FMN1: variants seen among roughly 807,000 people sequenced by gnomAD.
FMN1 encodes formin 1, also known as formin-1.
In FMN1, 110 loss-of-function variants were observed where a neutral mutation model predicts 132.4. That is an observed-to-expected ratio of 0.83 (90% CI 0.71 to 0.97). The LOEUF (loss-of-function observed/expected upper bound fraction) is 0.97, where lower values mean the gene tolerates loss of function less well. FMN1 is among the 50% of genes least tolerant of loss of function. The probability of loss-of-function intolerance (pLI) is 0.00; values close to 1 mark genes in which losing one functional copy is unlikely to be tolerated. For missense variants in FMN1, 1,792 were observed against 1,705.3 expected, an observed-to-expected ratio of 1.05 and a Z score of -0.90; for synonymous variants, 722 against 651.7, an observed-to-expected ratio of 1.11 and a Z score of -1.64.
Position 32,957,298 on chromosome 15 carries a change from C to CTTTTTTTT in FMN1, c.3138+6801_3138+6808dup, listed in dbSNP as rs869111673. Among the ~76,000 whole-genome samples, 498 of 84,192 alleles carry CTTTTTTTT rather than the reference C, an allele frequency of 5.9e-3. 61 individuals carry two copies. Among genetic ancestry groups the CTTTTTTTT allele is most frequent in the Non-Finnish European group, 9.1e-3 (411 of 44,924 alleles). 55.2% of individuals were successfully genotyped at this position (84,192 alleles called of 152,430 possible). A position where few individuals can be genotyped will look rare whatever the true frequency, so the allele number is the denominator to read the frequency against. ...AATTGGAAAGTTTATCAGAGCAGTT[C>CTTTTTTTT]TTTTTTTTTTTTTTTTTTTTTTTTT... On this transcript the variant is annotated intron_variant, in intron 9 of 20. Transcript: ENST00000616417.
At chr15:33,067,748 T>C (rs945637060) in intron 5 of FMN1, 5 of 1,613,892 alleles carry the variant, frequency 3.1e-6, no homozygotes, top group African/African-American at 1.3e-5. Flanking sequence ...ATTCACAGAT[T>C]CTAATTTACT....
chr15:33,172,059 T>G (rs1411810697), intron 3 of FMN1, among the ~76,000 whole-genome samples: 1 of 151,952 alleles, frequency 6.6e-6, no homozygotes, highest in Non-Finnish European at 1.5e-5. Context: ...AATACAAAAA[T>G]TAGCCGGGCG....
intron 16 of FMN1, among the ~76,000 whole-genome samples, chr15:32,886,300 T>G (rs1341780489): frequency 6.6e-6 from 1 of 152,182 alleles, no homozygotes; most frequent in East Asian, 1.9e-4. Context: ...TGGTACTTCA[T>G]GTGTTTTGGT....
At chr15:32,802,418 T>C (rs1325563789) in intron 18 of FMN1, among the ~76,000 whole-genome samples, 1 of 152,220 alleles carries the variant, frequency 6.6e-6, no homozygotes, top group Non-Finnish European at 1.5e-5. Flanking sequence ...GAGTAAATTG[T>C]TTCTCTTGAG....
At chr15:32,872,925 A>C (rs777567289) in intron 16 of FMN1, among the ~76,000 whole-genome samples, 2 of 147,166 alleles carry the variant, frequency 1.4e-5, no homozygotes, top group Non-Finnish European at 1.5e-5. Flanking sequence ...GAAAGGCATA[A>C]AGAGAAGAGA....
chr15:33,120,621 C>CTTGT (rs5811736), intron 4 of FMN1, among the ~76,000 whole-genome samples: 134,233 of 151,850 alleles, frequency 0.88, 59,419 homozygotes, highest in East Asian at 0.97. Flanking sequence ...TGTTCGGCAG[C>CTTGT]TTTTGTTGTC....
At chr15:32,983,040 C>T (rs74785972) in intron 7 of FMN1, among the ~76,000 whole-genome samples, 3,340 of 152,204 alleles carry the variant, frequency 0.022, 118 homozygotes, top group African/African-American at 0.073. Flanking sequence ...CACACATAGA[C>T]GCACACATCC....
intron 17 of FMN1, among the ~76,000 whole-genome samples, chr15:32,830,773 C>T (rs1191313041): frequency 2.6e-5 from 4 of 152,084 alleles, no homozygotes; most frequent in East Asian, 1.9e-4. Context: ...TCCGAGGAGA[C>T]GTCATCATGT....
chr15:33,174,083 A>G (rs1595600334), intron 3 of FMN1, among the ~76,000 whole-genome samples: 1 of 152,240 alleles, frequency 6.6e-6, no homozygotes, highest in East Asian at 1.9e-4. Context: ...GAACCTATAA[A>G]CAACAATTTC....
At chr15:33,066,627 C>T (rs768198137) in intron 5 of FMN1, 1 of 1,613,768 alleles carries the variant, frequency 6.2e-7, no homozygotes, top group African/African-American at 1.3e-5. Flanking sequence ...TCAGAGGTGT[C>T]AGCTGTGGTC....
chr15:32,999,461 C>A (rs2033966888), intron 7 of FMN1, among the ~76,000 whole-genome samples: 1 of 152,152 alleles, frequency 6.6e-6, no homozygotes, highest in African/African-American at 2.4e-5. Context: ...GGCCAGCATA[C>A]CATTTCATTC....
At position 33,154,853 on chromosome 15, in the gene FMN1, C is replaced by G. The variant is rs1309863234; in HGVS notation, c.62G>C (p.Ser21Thr). 6.5e-7 allele frequency: 1 copy of G among 1,536,224 alleles called. No individual in the cohort carries two copies. Among genetic ancestry groups the G allele is most frequent in the Admixed American group, 2.0e-5 (1 of 50,998 alleles). Reference sequence around the variant, plus strand: ...GACTTCCCCCTTTGGAAGACAGAAGCTGATGTAGCAGAGTTCCGTAATGGG... The same window carrying G: ...GACTTCCCCCTTTGGAAGACAGAAGGTGATGTAGCAGAGTTCCGTAATGGG... Reference protein sequence around the residue: ...HKPITELCYISFCLPKGEVRG... With the variant: ...HKPITELCYITFCLPKGEVRG... Residue 21 changes from serine (S) to threonine (T), a missense_variant, in exon 4 of 21, where the codon AGC becomes ACC. By Grantham distance (58) the Ser-to-Thr change is moderately conservative. This residue lies in a region of FMN1 where 638 missense variants were observed against 645.2 expected (regional missense o/e 0.99). Transcript: ENST00000616417.
At chr15:33,129,382 A>G (rs534433569) in intron 4 of FMN1, among the ~76,000 whole-genome samples, 13 of 152,326 alleles carry the variant, frequency 8.5e-5, no homozygotes, top group Admixed American at 7.8e-4. Flanking sequence ...AGCAATGTGT[A>G]TAAATAACCG....
intron 5 of FMN1, among the ~76,000 whole-genome samples, chr15:33,070,404 T>C (rs186639014): frequency 7.1e-6 from 1 of 139,920 alleles, no homozygotes; most frequent in Non-Finnish European, 1.6e-5. Flanking sequence ...TTTTTTTTTT[T>C]ATGAACTGAA....
At chr15:33,119,364 G>A (rs1422407897) in intron 4 of FMN1, among the ~76,000 whole-genome samples, 1 of 152,174 alleles carries the variant, frequency 6.6e-6, no homozygotes, top group Non-Finnish European at 1.5e-5. Context: ...CAAAGGGTGG[G>A]GAGCCTGTGG....
At chr15:32,935,341 G>C (rs1010317802) in intron 9 of FMN1, among the ~76,000 whole-genome samples, 16 of 152,142 alleles carry the variant, frequency 1.1e-4, no homozygotes, top group African/African-American at 3.4e-4. Context: ...TGATAGTCTT[G>C]TTGGGGTGCC....
At chr15:33,095,553 C>A (rs2039052299) in intron 4 of FMN1, among the ~76,000 whole-genome samples, 1 of 152,034 alleles carries the variant, frequency 6.6e-6, no homozygotes, top group Non-Finnish European at 1.5e-5. Flanking sequence ...CACCACCACA[C>A]AAGGCTAGTT....
chr15:32,916,105 G>A (rs866907390), intron 10 of FMN1, among the ~76,000 whole-genome samples: 2 of 152,086 alleles, frequency 1.3e-5, no homozygotes, highest in South Asian at 2.1e-4. Context: ...CCGTCAGCAG[G>A]GACAAAAAGC....
chr15:32,868,050 G>C (rs1285436711), intron 16 of FMN1, among the ~76,000 whole-genome samples: 1 of 152,184 alleles, frequency 6.6e-6, no homozygotes, highest in Non-Finnish European at 1.5e-5. Context: ...ATGGATATTA[G>C]TGTCTTGACA....
Sources: gnomAD v4.1 joint callset for allele counts (sites outside exome capture counted in the v4.1 genomes callset) on GRCh38, gnomAD v4.1.1 for gene constraint, gnomAD v4.1.1 regional missense constraint, MANE v1.5 for transcripts, NCBI Gene and HGNC (gene_info 2026-07-23, HGNC 2026-07-21) for gene names.